The following RNF38 variants were observed in gnomAD, a reference collection of about 807,000 sequenced individuals.
RNF38 encodes E3 ubiquitin-protein ligase RNF38.
In RNF38, 15 loss-of-function variants were observed where a neutral mutation model predicts 67.2. That is an observed-to-expected ratio of 0.22 (90% CI 0.15 to 0.34). The LOEUF (loss-of-function observed/expected upper bound fraction) is 0.34, where lower values mean the gene tolerates loss of function less well. RNF38 is among the 10% of genes least tolerant of loss of function. The probability of loss-of-function intolerance (pLI) is 1.00; values close to 1 mark genes in which losing one functional copy is unlikely to be tolerated. For synonymous variants in RNF38, 220 were observed against 218.8 expected, an observed-to-expected ratio of 1.01 and a Z score of -0.05; for missense variants, 524 against 639.9, an observed-to-expected ratio of 0.82 and a Z score of 1.95.
intron 1 of RNF38, among the ~76,000 whole-genome samples, chr9:36,433,658 G>C (rs1838987853): frequency 6.9e-6 from 1 of 145,628 alleles, no homozygotes; most frequent in Non-Finnish European, 1.5e-5. Context: ...CTACACTCCA[G>C]CTTGGGAAAC....
chr9:36,463,638 A>C (rs958494605), intron 1 of RNF38, among the ~76,000 whole-genome samples: 2 of 152,228 alleles, frequency 1.3e-5, no homozygotes, highest in African/African-American at 4.8e-5. Flanking sequence ...GGGCAATGGT[A>C]CTGATGAATC....
At chr9:36,373,626 C>T in intron 3 of RNF38, among the ~76,000 whole-genome samples, 1 of 146,192 alleles carries the variant, frequency 6.8e-6, no homozygotes, top group South Asian at 2.2e-4. Context: ...GACAGAGTCT[C>T]ACCCTGTCCC....
intron 2 of RNF38, among the ~76,000 whole-genome samples, chr9:36,421,424 G>T (rs1402854577): frequency 6.6e-6 from 1 of 152,132 alleles, no homozygotes; most frequent in Non-Finnish European, 1.5e-5. Flanking sequence ...AGCACTTTGG[G>T]AGGCTGAGGT....
intron 2 of RNF38, among the ~76,000 whole-genome samples, chr9:36,388,711 G>A (rs950462759): frequency 6.6e-6 from 1 of 152,106 alleles, no homozygotes; most frequent in African/African-American, 2.4e-5. Context: ...GAGTTTAAAG[G>A]AAGCAGAGAG....
chr9:36,413,988 CCTT>C (rs1838395578), intron 2 of RNF38, among the ~76,000 whole-genome samples: 1 of 152,168 alleles, frequency 6.6e-6, no homozygotes, highest in Non-Finnish European at 1.5e-5. Context: ...TAATGTCCCT[CCTT>C]GTCTTTGTTA....
At chr9:36,391,859 C>CTG (rs1837125135) in intron 1 of RNF38, among the ~76,000 whole-genome samples, 1 of 152,100 alleles carries the variant, frequency 6.6e-6, no homozygotes, top group African/African-American at 2.4e-5. Flanking sequence ...GTGATCCGTC[C>CTG]GCCTCGGCCT....
chr9:36,436,796 C>A (rs995704621), intron 1 of RNF38, among the ~76,000 whole-genome samples: 1 of 123,864 alleles, frequency 8.1e-6, no homozygotes, highest in African/African-American at 3.2e-5. Flanking sequence ...CACTCCAGCA[C>A]GGGCGACAGA....
At chr9:36,384,593 T>C (rs1587571206) in intron 2 of RNF38, among the ~76,000 whole-genome samples, 1 of 152,152 alleles carries the variant, frequency 6.6e-6, no homozygotes, top group Non-Finnish European at 1.5e-5. Flanking sequence ...CCAGATGTAT[T>C]AGGTGAGTGC....
Position 36,447,236 on chromosome 9 carries a change from C to T in RNF38, n.242-22553G>A, listed in dbSNP as rs551572906. On this transcript the variant is annotated intron_variant and non_coding_transcript_variant, in intron 1 of 3. Transcript: ENST00000488058. ...GACCTAATAGCCCAATTTTAGATGA[C>T]TCCTCCTGTATTTACACAGACCTCT... 3.9e-5 allele frequency among the ~76,000 whole-genome samples: 6 copies of T among 152,192 alleles called. No individual in the cohort carries two copies. The South Asian group carries it at 1.2e-3, about 31-fold the overall frequency.
At chr9:36,352,655 A>T in intron 8 of RNF38, 87 bp downstream of exon 8, 2 of 1,013,864 alleles carry the variant, frequency 2.0e-6, no homozygotes. Flanking sequence ...AACACACCAA[A>T]AGCTATAGAC....
At chr9:36,487,149 A>T (rs1156914912) in intron 1 of RNF38, among the ~76,000 whole-genome samples, 1 of 152,100 alleles carries the variant, frequency 6.6e-6, no homozygotes, top group Non-Finnish European at 1.5e-5. Flanking sequence ...GGCGCGGCTG[A>T]GGCGCAGGGC....
At chr9:36,370,079 A>T in intron 3 of RNF38, 147 bp from the exon 4 acceptor site, 2 of 654,244 alleles carry the variant, frequency 3.1e-6, no homozygotes, top group Middle Eastern at 4.2e-4. Flanking sequence ...AGCTCTAAAA[A>T]CTTACAAATT....
At chr9:36,421,492 C>T (rs1048462068) in intron 2 of RNF38, among the ~76,000 whole-genome samples, 32 of 151,898 alleles carry the variant, frequency 2.1e-4, no homozygotes, top group African/African-American at 7.5e-4. Context: ...GGAGAAACCT[C>T]GTCTCTACTA....
chr9:36,355,951 A>C (rs1184495754), intron 6 of RNF38, among the ~76,000 whole-genome samples: 1 of 152,088 alleles, frequency 6.6e-6, no homozygotes, highest in Non-Finnish European at 1.5e-5. Flanking sequence ...GATTCAAGCG[A>C]TTCTCATGTC....
chr9:36,442,822 TA>T (rs1247716616), intron 1 of RNF38, among the ~76,000 whole-genome samples: 1 of 152,212 alleles, frequency 6.6e-6, no homozygotes, highest in East Asian at 1.9e-4. Context: ...GCTCACCCAA[TA>T]ACAGTAGCAG....
intron 4 of RNF38, among the ~76,000 whole-genome samples, chr9:36,362,828 T>G (rs1006328903): frequency 6.6e-6 from 1 of 151,706 alleles, no homozygotes; most frequent in Non-Finnish European, 1.5e-5. Context: ...CAGATGGGGT[T>G]TCACCATGTT....
intron 11 of RNF38, among the ~76,000 whole-genome samples, 170 bp from the exon 12 acceptor site, chr9:36,339,984 GA>G (rs1346460156): frequency 3.0e-4 from 3 of 9,972 alleles, no homozygotes; most frequent in African/African-American, 3.7e-4. Flanking sequence ...ATTAGCCCAG[GA>G]ATTTTTTTTT....
chr9:36,428,980 A>G (rs1336000811), intron 1 of RNF38, among the ~76,000 whole-genome samples: 1 of 152,180 alleles, frequency 6.6e-6, no homozygotes, highest in Non-Finnish European at 1.5e-5. Context: ...TTAATTCATT[A>G]AGTAAGTACT....
intron 1 of RNF38, among the ~76,000 whole-genome samples, chr9:36,399,494 ATAT>A (rs1384838883): frequency 5.7e-5 from 1 of 17,546 alleles, no homozygotes; most frequent in Non-Finnish European, 1.4e-4. Context: ...AATATATATA[ATAT>A]ATTATATAAT....
Sources: allele counts gnomAD v4.1 joint callset (sites outside exome capture counted in the v4.1 genomes callset), GRCh38; gene constraint gnomAD v4.1.1; transcripts MANE v1.5; gene names NCBI Gene and HGNC (gene_info 2026-07-23, HGNC 2026-07-21).